The following GPR143 variants were observed in gnomAD, a reference collection of about 807,000 sequenced individuals.
The protein encoded by GPR143 is G-protein coupled receptor 143.
Under a neutral mutation model 27.6 loss-of-function variants are expected in GPR143, and 8 were observed. The ratio of observed to expected loss-of-function variants is 0.29; its 90% CI spans 0.17 to 0.52. The LOEUF is 0.52. Ranked by LOEUF, GPR143 falls within the 20% of genes least tolerant of loss-of-function variation. The pLI is 0.96. For synonymous variants in GPR143, 156 were observed against 153.2 expected (o/e 1.02, Z -0.13); for missense variants, 303 against 343.1 (o/e 0.88, Z 0.92).
intron 3 of GPR143, 38 bp downstream of exon 3, chrX:9,759,294 T>C (rs1243690405): frequency 5.7e-6 from 5 of 875,525 alleles, no homozygotes; most frequent in Non-Finnish European, 8.3e-6. Flanking sequence ...CCCTCTAAAA[T>C]AGAACTAGGG....
chrX:9,778,362 G>A (rs1191141371), intron 1 of GPR143, among the ~76,000 whole-genome samples: 2 of 111,418 alleles, frequency 1.8e-5, no homozygotes, highest in African/African-American at 3.3e-5. Context: ...AAGAACACTC[G>A]CTCCCACGTC....
chrX:9,768,171 G>T (rs1343184815), upstream of GPR143, among the ~76,000 whole-genome samples: 1 of 111,878 alleles, frequency 8.9e-6, no homozygotes, highest in African/African-American at 3.2e-5. Context: ...GAGTAAAGGT[G>T]CAGAAGCATG....
chrX:9,762,319 G>C, intron 1 of GPR143, among the ~76,000 whole-genome samples: 1 of 110,028 alleles, frequency 9.1e-6, no homozygotes, highest in African/African-American at 3.3e-5. Flanking sequence ...GAACCTGGGA[G>C]GTGGAGGTTG....
chrX:9,732,206 CAG>C (rs372019026), intron 8 of GPR143, among the ~76,000 whole-genome samples: 18 of 110,992 alleles, frequency 1.6e-4, no homozygotes, highest in African/African-American at 5.9e-4. Context: ...TGGGAGGAAA[CAG>C]AGGATTGTAG....
At chrX:9,773,068 A>G (rs1161647912) in intron 1 of GPR143, among the ~76,000 whole-genome samples, 3 of 111,568 alleles carry the variant, frequency 2.7e-5, no homozygotes, top group African/African-American at 9.8e-5. Flanking sequence ...AGACAGTTCA[A>G]TGTTTATTTA....
chrX:9,770,379 T>G (rs751159921), upstream of GPR143, among the ~76,000 whole-genome samples: 10 of 103,452 alleles, frequency 9.7e-5, no homozygotes, highest in Non-Finnish European at 1.8e-4. Flanking sequence ...AATACATAAG[T>G]CCATGGGTAT....
intron 5 of GPR143, 22 bp from the exon 6 acceptor site, chrX:9,743,695 A>T: frequency 1.1e-6 from 1 of 871,547 alleles, no homozygotes; most frequent in Non-Finnish European, 1.7e-6. Context: ...AGAAGGAACT[A>T]TGTATGGTGT....
Position 9,738,884 on chromosome X carries a change from A to G in GPR143, c.1120+601T>C, listed in dbSNP as rs974471428. The stretch of plus-strand genomic sequence containing the variant: ...GTGATCCGCCCACCTTGGCCTCCCA[A>G]ACCTGCTGGCATTACAGGCATGAGC... On this transcript the variant is annotated intron_variant, in intron 8 of 8. Coordinates refer to ENST00000467482, the MANE Select transcript of GPR143 (RefSeq NM_000273.3). Among the ~76,000 whole-genome samples the G allele has an allele frequency of 6.4e-4, 71 of 111,430 alleles. 1 individual carries two copies. The highest frequency in any genetic ancestry group is 2.3e-3 in the African/African-American group (70 of 30,605).
intron 4 of GPR143, chrX:9,747,780 G>A (rs905804382): frequency 8.0e-5 from 9 of 112,349 alleles, no homozygotes; most frequent in Non-Finnish European, 1.5e-4. Flanking sequence ...CAACTCTGAT[G>A]TTGTCATGCA....
At chrX:9,755,382 C>T (rs1021085484) in intron 3 of GPR143, among the ~76,000 whole-genome samples, 2 of 110,933 alleles carry the variant, frequency 1.8e-5, no homozygotes, top group African/African-American at 6.6e-5. Flanking sequence ...CGTGCCATTG[C>T]ACTCTGGCCT....
At chrX:9,753,992 C>T (rs1050446461) in intron 3 of GPR143, among the ~76,000 whole-genome samples, 6 of 111,536 alleles carry the variant, frequency 5.4e-5, no homozygotes, top group Non-Finnish European at 3.8e-5. Flanking sequence ...TTCCAGATGC[C>T]GCAGGAAGAC....
intron 4 of GPR143, among the ~76,000 whole-genome samples, 183 bp downstream of exon 4, chrX:9,748,391 T>C (rs1193942552): frequency 8.9e-6 from 1 of 112,960 alleles, no homozygotes; most frequent in Non-Finnish European, 1.9e-5. Context: ...TCCAGGGTCA[T>C]TCTCCAAGCT....
chrX:9,773,503 ACACACACATAAACACACACG>A (rs1003066918), intron 1 of GPR143, among the ~76,000 whole-genome samples: 1 of 110,597 alleles, frequency 9.0e-6, no homozygotes, highest in Non-Finnish European at 1.9e-5. Flanking sequence ...ACACACACAC[ACACACACATAAACACACACG>A]CACACACATA....
chrX:9,768,774 T>C (rs1243677650), upstream of GPR143, among the ~76,000 whole-genome samples: 1 of 109,949 alleles, frequency 9.1e-6, no homozygotes, highest in African/African-American at 3.3e-5. Flanking sequence ...GCCTCCTGGG[T>C]TCAAGTGATT....
Position 9,725,414 on chromosome X carries a change from C to T in GPR143, c.*332G>A, listed in dbSNP as rs141287135. 245 of 213,220 alleles carry T rather than the reference C, an allele frequency of 1.1e-3. 1 individual carries two copies. The East Asian group carries it at 0.017, about 15-fold the overall frequency. The allele number at this position is 213,220 out of a possible 1,213,427, so 17.6% of individuals were successfully genotyped here. Reference sequence around the variant, plus strand: ...CAGAATCCAAGTCAGGCTGAGAGCTCAGTCATAACTATTTTATTTAACTAC... The same window carrying T: ...CAGAATCCAAGTCAGGCTGAGAGCTTAGTCATAACTATTTTATTTAACTAC... On this transcript the variant is annotated 3_prime_UTR_variant, in exon 9 of 9. Transcript: ENST00000467482.
At chrX:9,772,890 T>G (rs1374814058) in intron 1 of GPR143, among the ~76,000 whole-genome samples, 1 of 107,157 alleles carries the variant, frequency 9.3e-6, no homozygotes, top group Non-Finnish European at 1.9e-5. Context: ...AATTTTCATA[T>G]AGCTCAGAGT....
intron 3 of GPR143, among the ~76,000 whole-genome samples, chrX:9,751,139 A>T (rs770217489): frequency 2.7e-5 from 3 of 112,528 alleles, no homozygotes; most frequent in African/African-American, 9.7e-5. Flanking sequence ...GAACACGGAA[A>T]CCCTCTGCGG....
chrX:9,765,240 C>A (rs2083524763), intron 1 of GPR143, among the ~76,000 whole-genome samples: 2 of 111,615 alleles, frequency 1.8e-5, no homozygotes, highest in Admixed American at 9.4e-5. Context: ...TCTCAACCTG[C>A]GGGCCACGCA....
chrX:9,732,137 T>A (rs770575590), intron 8 of GPR143, among the ~76,000 whole-genome samples: 7 of 111,735 alleles, frequency 6.3e-5, no homozygotes, highest in African/African-American at 1.9e-4. Flanking sequence ...GAAACGGAAC[T>A]GTGGGAGAGA....
Sources: gnomAD v4.1 joint callset for allele counts (sites outside exome capture counted in the v4.1 genomes callset) on GRCh38, gnomAD v4.1.1 for gene constraint, MANE v1.5 for transcripts, NCBI Gene and HGNC (gene_info 2026-07-23, HGNC 2026-07-21) for gene names.